DYNC2I2: variants seen among roughly 807,000 people sequenced by gnomAD.
DYNC2I2 encodes dynein 2 intermediate chain 2.
DYNC2I2 carries 39 observed loss-of-function variants against 52.0 expected under a neutral mutation model. That is an observed-to-expected ratio of 0.75 (90% confidence interval 0.58 to 0.98). The LOEUF is 0.98. Among genes scored for constraint, DYNC2I2 ranks in the 50% least tolerant of loss-of-function variants. DYNC2I2 has a pLI of 0.00. For synonymous variants in DYNC2I2, 359 were observed against 321.1 expected (o/e 1.12, Z -1.26); for missense variants, 743 against 728.4 (o/e 1.02, Z -0.23).
chr9:128,645,562 A>G (rs1860600015), intron 1 of DYNC2I2, among the ~76,000 whole-genome samples: 1 of 135,962 alleles, frequency 7.4e-6, no homozygotes, highest in Non-Finnish European at 1.5e-5. Flanking sequence ...GGTTGCAATG[A>G]GCCGAGATCG....
chr9:128,640,796 G>A lies in DYNC2I2; in HGVS notation c.330C>T (p.Ala110=), dbSNP rs771811262. Residue 110 remains alanine (A), a synonymous_variant, in exon 2 of 9, where the codon GCC becomes GCT. Transcript: ENST00000372715. ...PSQYDIPRLA[A]FLRRVEAMVI... is the part of the protein sequence containing the mutation. ...CCATGGCCTCCACTCTCCGAAGAAAGGCTGCGAGCCTGGGTATGTCATACT... is the reference window on the plus strand; with the variant it reads ...CCATGGCCTCCACTCTCCGAAGAAAAGCTGCGAGCCTGGGTATGTCATACT... 37 of 1,614,222 alleles carry A rather than the reference G, an allele frequency of 2.3e-5. No individual in the cohort carries two copies. The highest frequency in any genetic ancestry group is 3.1e-5 in the Non-Finnish European group (37 of 1,180,050).
upstream of DYNC2I2, among the ~76,000 whole-genome samples, chr9:128,660,464 AGTGGT>A (rs1330936318): frequency 6.6e-6 from 1 of 150,826 alleles, no homozygotes; most frequent in Non-Finnish European, 1.5e-5. Context: ...AGTGGACTGC[AGTGGT>A]GTGATCTTGG....
the DYNC2I2 span, among the ~76,000 whole-genome samples, chr9:128,673,143 A>G: frequency 6.6e-6 from 1 of 152,214 alleles, no homozygotes; most frequent in African/African-American, 2.4e-5. Flanking sequence ...TGTTTATCAC[A>G]GAGTTGCTTA....
chr9:128,655,680 A>G (rs1860807514), intron 1 of DYNC2I2, among the ~76,000 whole-genome samples: 3 of 151,200 alleles, frequency 2.0e-5, no homozygotes, highest in South Asian at 4.2e-4. Context: ...AAGGCCGAGG[A>G]GGGCGGATCA....
chr9:128,639,790 C>G (rs931038060), intron 2 of DYNC2I2, among the ~76,000 whole-genome samples: 2 of 149,276 alleles, frequency 1.3e-5, no homozygotes, highest in South Asian at 4.3e-4. Context: ...CTCAGCCTCC[C>G]GAGTAGCTGG....
chr9:128,673,708 G>A, the DYNC2I2 span, among the ~76,000 whole-genome samples: 183 of 151,644 alleles, frequency 1.2e-3, no homozygotes, highest in African/African-American at 4.0e-3. Context: ...GGGTTTCACC[G>A]TGTTAGCAAG....
At chr9:128,675,363 G>C in the DYNC2I2 span, among the ~76,000 whole-genome samples, 2 of 151,942 alleles carry the variant, frequency 1.3e-5, no homozygotes, top group Non-Finnish European at 2.9e-5. Context: ...TTTTAGTAGA[G>C]ATGAGGTTTC....
intron 2 of DYNC2I2, among the ~76,000 whole-genome samples, chr9:128,638,387 C>T (rs982758443): frequency 2.6e-5 from 4 of 151,456 alleles, no homozygotes; most frequent in Non-Finnish European, 5.9e-5. Context: ...TGTGGTAGCA[C>T]GTGCCTGTGG....
the DYNC2I2 span, among the ~76,000 whole-genome samples, chr9:128,674,283 C>T: frequency 4.0e-5 from 6 of 151,784 alleles, no homozygotes; most frequent in African/African-American, 1.5e-4. Flanking sequence ...TACAGGCGCC[C>T]GCCACCACAC....
chr9:128,634,208 CTA>C lies in DYNC2I2; in HGVS notation c.1372+16_1372+17del, dbSNP rs769177092. 9.4e-4 allele frequency: 1,513 copies of C among 1,613,158 alleles called. 5 individuals are homozygous for C. Among genetic ancestry groups the C allele is most frequent in the South Asian group, 5.3e-3 (479 of 91,062 alleles). On this transcript the variant is annotated intron_variant, in intron 8 of 8. Transcript: ENST00000372715. ...ACCCACCCCTTAAACAGATCCAGGC[CTA>C]GCGGCCCCTTCCTACCTTTCCCAGA...
chr9:128,652,399 T>C (rs1860733288), intron 1 of DYNC2I2, among the ~76,000 whole-genome samples: 2 of 129,182 alleles, frequency 1.5e-5, no homozygotes, highest in East Asian at 2.3e-4. Flanking sequence ...GCCATTAAAC[T>C]CCAGCCTGGG....
At chr9:128,644,719 T>C (rs946398498) in intron 1 of DYNC2I2, among the ~76,000 whole-genome samples, 1 of 152,242 alleles carries the variant, frequency 6.6e-6, no homozygotes. Context: ...TTCAGCACTT[T>C]TCACAAACTG....
At chr9:128,637,437 G>A (rs1554771533) in intron 2 of DYNC2I2, among the ~76,000 whole-genome samples, 7 of 152,288 alleles carry the variant, frequency 4.6e-5, no homozygotes, top group Non-Finnish European at 8.8e-5. Flanking sequence ...TGTTTGTGGT[G>A]GTTAGTTGGT....
At chr9:128,643,569 TAGTCCCC>T (rs967160990) in intron 1 of DYNC2I2, among the ~76,000 whole-genome samples, 185 of 150,968 alleles carry the variant, frequency 1.2e-3, no homozygotes, top group African/African-American at 4.3e-3. Context: ...GCGCATCCTG[TAGTCCCC>T]AGCTACTCAG....
At chr9:128,678,857 C>T in the DYNC2I2 span, among the ~76,000 whole-genome samples, 1 of 151,976 alleles carries the variant, frequency 6.6e-6, no homozygotes, top group Non-Finnish European at 1.5e-5. Flanking sequence ...ATCATGAGGT[C>T]AGGAGATGGA....
intron 1 of DYNC2I2, among the ~76,000 whole-genome samples, chr9:128,646,440 C>T (rs1860619093): frequency 1.3e-5 from 2 of 152,262 alleles, no homozygotes; most frequent in Non-Finnish European, 2.9e-5. Context: ...AACTCCTGAA[C>T]CCAGGTGATC....
chr9:128,680,388 A>AT, the DYNC2I2 span, among the ~76,000 whole-genome samples: 1 of 135,034 alleles, frequency 7.4e-6, no homozygotes. Flanking sequence ...TTATTATTAT[A>AT]TTTTTTTGAG....
intron 1 of DYNC2I2, among the ~76,000 whole-genome samples, chr9:128,648,175 G>A (rs1232153761): frequency 3.9e-5 from 6 of 152,264 alleles, no homozygotes; most frequent in Admixed American, 1.3e-4. Context: ...TTGGGAGGTC[G>A]AGGCAGGAGG....
At position 128,634,293 on chromosome 9, in the gene DYNC2I2, G is replaced by A. The variant is rs747646008; in HGVS notation, c.1305C>T (p.Leu435=). Residue 435 remains leucine (L), a synonymous_variant, in exon 8 of 9, where the codon CTC becomes CTT. Coordinates refer to ENST00000372715, the MANE Select transcript of DYNC2I2 (RefSeq NM_052844.4). ...APPLTSLQLS[L]KYLFAVRWSP... is the part of the protein sequence containing the mutation. Reference sequence around the variant, plus strand: ...ACCAGCGCACAGCAAACAGATACTTGAGGGAGAGCTGCAGCGAAGTCAAGG... The same window carrying A: ...ACCAGCGCACAGCAAACAGATACTTAAGGGAGAGCTGCAGCGAAGTCAAGG... The A allele has an allele frequency of 6.2e-7, 1 of 1,613,800 alleles. No homozygotes were observed. The highest frequency in any genetic ancestry group is 1.7e-5 in the Admixed American group (1 of 59,970).
Sources: allele counts gnomAD v4.1 joint callset (sites outside exome capture counted in the v4.1 genomes callset), GRCh38; gene constraint gnomAD v4.1.1; transcripts MANE v1.5; gene names NCBI Gene and HGNC (gene_info 2026-07-23, HGNC 2026-07-21).